ADAMTSL1: variants seen among roughly 807,000 people sequenced by gnomAD.
ADAMTSL1 encodes ADAMTS like 1, also known as ADAMTS-like protein 1.
Under a neutral mutation model 201.8 loss-of-function variants are expected in ADAMTSL1, and 126 were observed. That is an observed-to-expected ratio of 0.62 (90% CI 0.54 to 0.72). The LOEUF (loss-of-function observed/expected upper bound fraction) is 0.72, where lower values mean the gene tolerates loss of function less well. Ranked by LOEUF, ADAMTSL1 falls within the 30% of genes least tolerant of loss-of-function variation. The pLI is 0.00. For synonymous variants in ADAMTSL1, 1,121 were observed against 903.4 expected (o/e 1.24, Z -4.32); for missense variants, 2,679 against 2,277.8 (o/e 1.18, Z -3.59).
chr9:18,117,139 T>C (rs12378678), intron 1 of ADAMTSL1, among the ~76,000 whole-genome samples: 50,704 of 152,052 alleles, frequency 0.33, 8,700 homozygotes, highest in African/African-American at 0.4. Flanking sequence ...TGAACCACCA[T>C]CTTCTCCTAT....
chr9:18,606,903 C>A (rs1054174042), intron 4 of ADAMTSL1, among the ~76,000 whole-genome samples: 1 of 152,116 alleles, frequency 6.6e-6, no homozygotes, highest in African/African-American at 2.4e-5. Flanking sequence ...TTATTTTCTC[C>A]CTTCCTGCCA....
chr9:18,773,500 A>G (rs902827897), intron 17 of ADAMTSL1, among the ~76,000 whole-genome samples: 1 of 152,210 alleles, frequency 6.6e-6, no homozygotes, highest in Non-Finnish European at 1.5e-5. Context: ...AGAATGCTTT[A>G]TCAAATCAAA....
intron 2 of ADAMTSL1, among the ~76,000 whole-genome samples, chr9:18,248,758 A>T (rs1309546032): frequency 2.0e-5 from 3 of 152,116 alleles, no homozygotes; most frequent in African/African-American, 7.2e-5. Context: ...CTACAAAGAG[A>T]TTCCAATTCC....
chr9:18,254,147 C>T (rs1431970027), intron 2 of ADAMTSL1, among the ~76,000 whole-genome samples: 1 of 152,044 alleles, frequency 6.6e-6, no homozygotes, highest in Non-Finnish European at 1.5e-5. Context: ...ACTCAATTTC[C>T]TCCCCTGTAG....
At position 18,671,986 on chromosome 9, in the gene ADAMTSL1, G is replaced by A. The variant is rs547979449; in HGVS notation, c.1086-3871G>A. ...TGAGAGGAGGAGTTTGCAGTGAGCC[G>A]AGATCGCACCTCTGCACTCCAACCT... On this transcript the variant is annotated intron_variant, in intron 9 of 28. Transcript: ENST00000380548. Among the ~76,000 whole-genome samples the A allele has an allele frequency of 5.9e-5, 9 of 152,092 alleles. No homozygotes were observed. The East Asian group carries it at 1.6e-3, about 26-fold the overall frequency.
chr9:18,503,421 G>GTATA (rs10673652), intron 1 of ADAMTSL1, among the ~76,000 whole-genome samples: 6,478 of 115,256 alleles, frequency 0.056, 563 homozygotes, highest in African/African-American at 0.16. Context: ...ATTCCATTGT[G>GTATA]TATATATATA....
At chr9:17,980,325 C>G (rs970462763) in intron 1 of ADAMTSL1, among the ~76,000 whole-genome samples, 1 of 152,086 alleles carries the variant, frequency 6.6e-6, no homozygotes, top group Non-Finnish European at 1.5e-5. Context: ...TACCCCCCAC[C>G]ACATCTCTTT....
chr9:18,224,405 C>A (rs1297374872), intron 2 of ADAMTSL1, among the ~76,000 whole-genome samples: 1 of 152,100 alleles, frequency 6.6e-6, no homozygotes, highest in Non-Finnish European at 1.5e-5. Context: ...TATGATGATT[C>A]TGCCATCATA....
At chr9:18,378,419 G>A (rs1837401179) in intron 2 of ADAMTSL1, among the ~76,000 whole-genome samples, 1 of 152,152 alleles carries the variant, frequency 6.6e-6, no homozygotes, top group Admixed American at 6.6e-5. Context: ...GAGGGATATA[G>A]GATTGAGAGG....
At chr9:17,987,575 T>A (rs1244240237) in intron 1 of ADAMTSL1, among the ~76,000 whole-genome samples, 5 of 152,024 alleles carry the variant, frequency 3.3e-5, no homozygotes, top group African/African-American at 1.2e-4. Flanking sequence ...TAAGCAGTCT[T>A]TTTAAAAGGG....
intron 4 of ADAMTSL1, among the ~76,000 whole-genome samples, chr9:18,576,166 TTATACG>T (rs1238082413): frequency 1.3e-5 from 2 of 152,182 alleles, no homozygotes; most frequent in Non-Finnish European, 2.9e-5. Context: ...GCATTGTAAC[TTATACG>T]TAGAAATAAT....
At chr9:18,852,401 C>T (rs1279064754) in intron 23 of ADAMTSL1, among the ~76,000 whole-genome samples, 3 of 152,150 alleles carry the variant, frequency 2.0e-5, no homozygotes, top group South Asian at 2.1e-4. Flanking sequence ...TTTGGTAGTA[C>T]TTGCTCTTGC....
At chr9:18,404,214 A>C (rs1818095927) in intron 2 of ADAMTSL1, among the ~76,000 whole-genome samples, 1 of 152,092 alleles carries the variant, frequency 6.6e-6, no homozygotes, top group African/African-American at 2.4e-5. Context: ...ATGCTTTTTT[A>C]AAGTTATTTT....
At chr9:18,594,649 A>G (rs1334737196) in intron 4 of ADAMTSL1, among the ~76,000 whole-genome samples, 3 of 152,100 alleles carry the variant, frequency 2.0e-5, no homozygotes, top group Non-Finnish European at 2.9e-5. Context: ...TTCAGCTCCA[A>G]GGTTGATTTT....
intron 1 of ADAMTSL1, among the ~76,000 whole-genome samples, chr9:18,085,482 C>T (rs1823709073): frequency 2.2e-5 from 1 of 45,250 alleles, no homozygotes. Flanking sequence ...TATGTGTGTG[C>T]ATATATATAT....
intron 1 of ADAMTSL1, among the ~76,000 whole-genome samples, chr9:18,011,596 G>A (rs191474210): frequency 3.7e-4 from 57 of 152,162 alleles, no homozygotes; most frequent in African/African-American, 1.3e-3. Context: ...GATGGCACTT[G>A]AGCCTGCCAC....
intron 20 of ADAMTSL1, among the ~76,000 whole-genome samples, chr9:18,813,158 G>A (rs1823616120): frequency 6.6e-6 from 1 of 151,834 alleles, no homozygotes; most frequent in African/African-American, 2.4e-5. Flanking sequence ...GTAGAGATGG[G>A]GTTTCACCAT....
At chr9:18,325,697 T>C (rs78941181) in intron 2 of ADAMTSL1, among the ~76,000 whole-genome samples, 2,556 of 150,664 alleles carry the variant, frequency 0.017, 68 homozygotes, top group African/African-American at 0.061. Flanking sequence ...GGGAAGATAG[T>C]GTAAGCTAGC....
intron 1 of ADAMTSL1, among the ~76,000 whole-genome samples, chr9:18,017,091 T>A (rs2131573764): frequency 1.3e-5 from 2 of 152,172 alleles, no homozygotes; most frequent in Middle Eastern, 6.8e-3. Context: ...CATGCAATGA[T>A]TCCAGATAGA....
Sources: gnomAD v4.1 joint callset for allele counts (sites outside exome capture counted in the v4.1 genomes callset) on GRCh38, gnomAD v4.1.1 for gene constraint, MANE v1.5 for transcripts, NCBI Gene and HGNC (gene_info 2026-07-23, HGNC 2026-07-21) for gene names.